VAPB: variants seen among roughly 807,000 people sequenced by gnomAD.
VAPB encodes the protein vesicle-associated membrane protein-associated protein B/C.
In VAPB, 7 loss-of-function variants were observed where a neutral mutation model predicts 25.6. The ratio of observed to expected loss-of-function variants is 0.27; its 90% confidence interval spans 0.16 to 0.51. The LOEUF is 0.51. Among genes scored for constraint, VAPB ranks in the 20% least tolerant of loss-of-function variants. VAPB has a pLI of 0.97. For missense variants in VAPB, 266 were observed against 301.3 expected, an observed-to-expected ratio of 0.88 and a Z score of 0.87; for synonymous variants, 112 against 109.2, an observed-to-expected ratio of 1.03 and a Z score of -0.16.
chr20:58,394,189 G>A (rs1349921546), intron 1 of VAPB, among the ~76,000 whole-genome samples: 5 of 152,194 alleles, frequency 3.3e-5, no homozygotes, highest in East Asian at 1.9e-4. Context: ...ACTTTTGGGA[G>A]AAAATAGAAA....
chr20:58,406,883 A>G (rs1330201842), intron 1 of VAPB, among the ~76,000 whole-genome samples: 1 of 152,078 alleles, frequency 6.6e-6, no homozygotes, highest in African/African-American at 2.4e-5. Context: ...ATAGAATTTT[A>G]TTTGCAGTAG....
At chr20:58,430,614 C>T (rs928546111) in intron 2 of VAPB, among the ~76,000 whole-genome samples, 3 of 151,318 alleles carry the variant, frequency 2.0e-5, no homozygotes, top group African/African-American at 7.3e-5. Context: ...TCACTCTTGT[C>T]GCCCAGGCTG....
chr20:58,428,236 A>G (rs1319795574), intron 2 of VAPB, among the ~76,000 whole-genome samples: 2 of 152,250 alleles, frequency 1.3e-5, no homozygotes, highest in Non-Finnish European at 2.9e-5. Context: ...CCAGTTTGCA[A>G]TCTGTAATAC....
At chr20:58,408,760 G>C (rs1351919633) in intron 1 of VAPB, among the ~76,000 whole-genome samples, 2 of 152,112 alleles carry the variant, frequency 1.3e-5, no homozygotes, top group Non-Finnish European at 2.9e-5. Context: ...GTAGGTGTCT[G>C]TTTACAGGAA....
chr20:58,440,625 GA>G (rs1600817918), intron 4 of VAPB: 2 of 338,810 alleles, frequency 5.9e-6, no homozygotes, highest in East Asian at 7.3e-5. Flanking sequence ...TCCGTGGCAG[GA>G]ATTTGATAGT....
chr20:58,423,443 A>AAAAAAAAAAAAAAAAAAAAAAAC (rs1988716585), intron 2 of VAPB, among the ~76,000 whole-genome samples: 1 of 145,782 alleles, frequency 6.9e-6, no homozygotes, highest in Non-Finnish European at 1.5e-5. Context: ...AAAAAAAAAA[A>AAAAAAAAAAAAAAAAAAAAAAAC]AAAAAAGAAA....
chr20:58,422,104 T>C (rs552444160), intron 2 of VAPB, among the ~76,000 whole-genome samples: 5 of 152,266 alleles, frequency 3.3e-5, no homozygotes, highest in African/African-American at 1.2e-4. Context: ...TCCCAAAGAG[T>C]TGCTTTAGGC....
intron 2 of VAPB, among the ~76,000 whole-genome samples, chr20:58,420,629 G>C (rs563223147): frequency 2.4e-4 from 36 of 152,256 alleles, no homozygotes; most frequent in Non-Finnish European, 4.4e-4. Flanking sequence ...AATGTATTTG[G>C]GGGAAAAAGT....
chr20:58,427,005 C>T (rs1027475458), intron 2 of VAPB, among the ~76,000 whole-genome samples: 2 of 151,968 alleles, frequency 1.3e-5, no homozygotes, highest in Non-Finnish European at 2.9e-5. Context: ...GATCTGTGAT[C>T]TTTTACCATT....
chr20:58,449,819 G>C lies in VAPB; in HGVS notation c.*5584G>C, dbSNP rs937477915. The C allele has an allele frequency of 4.4e-6, 2 of 453,994 alleles. No individual in the cohort carries two copies. Among genetic ancestry groups the C allele is most frequent in the Non-Finnish European group, 8.8e-6 (2 of 226,798 alleles). 28.1% of individuals were successfully genotyped at this position (453,994 alleles called of 1,614,324 possible). On this transcript the variant is annotated 3_prime_UTR_variant, in exon 6 of 6. Transcript: ENST00000475243. ...TGCTCGCTTGCTGGCCTGCTTTCCT[G>C]CTTGCATTCTGATGAGCTGCAGGAG...
intron 1 of VAPB, among the ~76,000 whole-genome samples, chr20:58,404,287 G>T (rs1407407904): frequency 6.6e-6 from 1 of 152,164 alleles, no homozygotes; most frequent in Admixed American, 6.5e-5. Context: ...CATCTTTCCA[G>T]CCTCAGCTTC....
intron 1 of VAPB, among the ~76,000 whole-genome samples, chr20:58,399,273 C>A (rs1451980321): frequency 2.0e-5 from 3 of 150,496 alleles, no homozygotes; most frequent in African/African-American, 7.3e-5. Context: ...GTACTCCAGC[C>A]TGGGCAACAA....
chr20:58,430,179 T>G (rs957131204), intron 2 of VAPB, among the ~76,000 whole-genome samples: 20 of 151,986 alleles, frequency 1.3e-4, no homozygotes, highest in African/African-American at 4.6e-4. Context: ...GTAACATTTT[T>G]AATGAAAAGT....
intron 2 of VAPB, among the ~76,000 whole-genome samples, chr20:58,430,089 A>G (rs1988894739): frequency 6.6e-6 from 1 of 151,852 alleles, no homozygotes; most frequent in Non-Finnish European, 1.5e-5. Context: ...TTTGTGGGGT[A>G]TATCAATATT....
At chr20:58,389,720 C>T (rs908582800) in intron 1 of VAPB, among the ~76,000 whole-genome samples, 2 of 152,168 alleles carry the variant, frequency 1.3e-5, no homozygotes, top group African/African-American at 4.8e-5. Context: ...AGGGCTGGTG[C>T]GGGAGCCGGG....
At chr20:58,394,838 A>G (rs779472440) in intron 1 of VAPB, among the ~76,000 whole-genome samples, 5 of 152,232 alleles carry the variant, frequency 3.3e-5, no homozygotes, top group Non-Finnish European at 7.3e-5. Flanking sequence ...TGTTATCTTC[A>G]TAATTACCTG....
chr20:58,449,226 C>T lies in VAPB; in HGVS notation c.*4991C>T, dbSNP rs1221691523. On this transcript the variant is annotated 3_prime_UTR_variant, in exon 6 of 6. Coordinates refer to ENST00000475243, the MANE Select transcript of VAPB (RefSeq NM_004738.5). ...TAGAACATTAGCTGAGCTGCACAAG[C>T]TCACCCACCCCTGTGCCAGGGGGCC... 1 of 454,158 alleles carries T rather than the reference C, an allele frequency of 2.2e-6. No individual in the cohort carries two copies. The highest frequency in any genetic ancestry group is 4.4e-6 in the Non-Finnish European group (1 of 226,804). The allele number at this position is 454,158 out of a possible 1,614,324, so 28.1% of individuals were successfully genotyped here.
chr20:58,424,618 A>G (rs1242407980), intron 2 of VAPB, among the ~76,000 whole-genome samples: 1 of 152,238 alleles, frequency 6.6e-6, no homozygotes, highest in Non-Finnish European at 1.5e-5. Context: ...ATTGAAAAGT[A>G]TGTTGGATTT....
Position 58,389,428 on chromosome 20 carries a change from T to C in VAPB, c.-32T>C, listed in dbSNP as rs759573154. ...CCGCCCCGGTGACCTCTCAGGGGTC[T>C]CCCCGCCAAAGGTGCTCCGCCGCTA... On this transcript the variant is annotated 5_prime_UTR_variant, in exon 1 of 6. Coordinates refer to ENST00000475243, the MANE Select transcript of VAPB (RefSeq NM_004738.5). 4 of 1,574,524 alleles carry C rather than the reference T, an allele frequency of 2.5e-6. No homozygotes were observed. The African/African-American group carries it at 5.5e-5, about 21-fold the overall frequency.
Sources: allele counts gnomAD v4.1 joint callset (sites outside exome capture counted in the v4.1 genomes callset), GRCh38; gene constraint gnomAD v4.1.1; transcripts MANE v1.5; gene names NCBI Gene and HGNC (gene_info 2026-07-23, HGNC 2026-07-21).